The following TFDP2 variants were observed in gnomAD, a reference collection of about 807,000 sequenced individuals.
The protein encoded by TFDP2 is transcription factor Dp-2, also known as transcription factor Dp-2 (E2F dimerization partner 2).
Under a neutral mutation model 59.3 loss-of-function variants are expected in TFDP2, and 17 were observed. The observed-to-expected ratio is 0.29, with a 90% confidence interval of 0.20 to 0.43. The LOEUF (loss-of-function observed/expected upper bound fraction) is 0.43. Among genes scored for constraint, TFDP2 ranks in the 20% least tolerant of loss-of-function variants. TFDP2 has a pLI of 1.00. For synonymous variants in TFDP2, 180 were observed against 194.7 expected, an observed-to-expected ratio of 0.92 and a Z score of 0.63; for missense variants, 391 against 528.8, an observed-to-expected ratio of 0.74 and a Z score of 2.56.
chr3:141,978,467 C>T lies in TFDP2; in HGVS notation c.519+53G>A. ...CCTCAAATCTATAACAAAGATAACA[C>T]AAAGAAGTAGCATCATCCATCAAAA... On this transcript the variant is annotated intron_variant, in intron 7 of 12. Transcript: ENST00000489671. 2.0e-6 allele frequency: 3 copies of T among 1,532,752 alleles called. No individual in the cohort carries two copies. The South Asian group carries it at 3.8e-5, about 19-fold the overall frequency. The allele number at this position is 1,532,752 out of a possible 1,614,324, so 94.9% of individuals were successfully genotyped here.
intron 3 of TFDP2, among the ~76,000 whole-genome samples, chr3:142,034,564 T>G (rs1488055721): frequency 6.6e-6 from 1 of 152,224 alleles, no homozygotes; most frequent in Non-Finnish European, 1.5e-5. Flanking sequence ...TCTATCCAAC[T>G]GCTCAAATGA....
At chr3:142,106,801 C>A (rs1263845074) in intron 1 of TFDP2, among the ~76,000 whole-genome samples, 1 of 152,220 alleles carries the variant, frequency 6.6e-6, no homozygotes, top group Non-Finnish European at 1.5e-5. Flanking sequence ...GCAACTCCCA[C>A]AGATGGTCTC....
chr3:142,087,152 A>G (rs1247775974), intron 3 of TFDP2, among the ~76,000 whole-genome samples: 1 of 152,242 alleles, frequency 6.6e-6, no homozygotes, highest in African/African-American at 2.4e-5. Flanking sequence ...AAGGGTTGTA[A>G]GAGTTCTGTG....
rs575713662 is a variant in TFDP2, at chr3:141,968,433, G to GAT, written c.732+1638_732+1639dup. Among the ~76,000 whole-genome samples the GAT allele has an allele frequency of 1.1e-3, 71 of 63,396 alleles. 7 individuals carry two copies. In the South Asian group the frequency reaches 0.013, roughly 12 times the overall value. The allele number at this position is 63,396 out of a possible 152,430, so 41.6% of individuals were successfully genotyped here. On this transcript the variant is annotated intron_variant, in intron 9 of 12. Coordinates refer to ENST00000489671, the MANE Select transcript of TFDP2 (RefSeq NM_001178139.2). ...ATATAACATATATATCTCATATATA[G>GAT]ATATATATAACATATATATCTCATA...
intron 3 of TFDP2, among the ~76,000 whole-genome samples, chr3:142,074,809 G>T (rs765198323): frequency 6.6e-6 from 1 of 152,170 alleles, no homozygotes; most frequent in South Asian, 2.1e-4. Context: ...CCGAGATTGT[G>T]CTACTGCATT....
chr3:142,038,678 C>T (rs1489332555), intron 3 of TFDP2, among the ~76,000 whole-genome samples: 1 of 151,772 alleles, frequency 6.6e-6, no homozygotes, highest in African/African-American at 2.4e-5. Context: ...TTCAATCATC[C>T]AAAAATTACA....
chr3:142,104,406 T>C (rs2061410127), intron 1 of TFDP2, among the ~76,000 whole-genome samples: 1 of 152,234 alleles, frequency 6.6e-6, no homozygotes, highest in African/African-American at 2.4e-5. Context: ...CTAACAGATC[T>C]ATACAGAATT....
chr3:142,102,225 A>G (rs905749009), intron 1 of TFDP2, among the ~76,000 whole-genome samples: 6 of 152,210 alleles, frequency 3.9e-5, no homozygotes, highest in African/African-American at 1.4e-4. Context: ...TGATGGAGAC[A>G]TGTCAAAAGT....
At chr3:142,039,560 G>A (rs1261039826) in intron 3 of TFDP2, among the ~76,000 whole-genome samples, 2 of 152,158 alleles carry the variant, frequency 1.3e-5, no homozygotes, top group Non-Finnish European at 2.9e-5. Context: ...GTTTCTGGGA[G>A]AGCAGGAGAG....
chr3:142,028,808 T>C (rs945365355), intron 3 of TFDP2: 48 of 722,308 alleles, frequency 6.6e-5, no homozygotes, highest in Non-Finnish European at 7.6e-5. Context: ...TCAAAAGAAA[T>C]TGAAAAGTGC....
rs1400123550 is a variant in TFDP2 at position 142,043,870 on chromosome 3, A to G, written c.83-38326T>C. On this transcript the variant is annotated intron_variant, in intron 3 of 12. Transcript: ENST00000489671. ...CAGGCTGTGATACATATGGCGATCA[A>G]TCTTCTTAGATTCACAGTATCTTCT... is the stretch of plus-strand genomic sequence containing the variant. 7.6e-6 allele frequency: 9 copies of G among 1,190,440 alleles called. No individual in the cohort carries two copies. In the Admixed American group the frequency reaches 1.2e-4, roughly 16 times the overall value. The allele number at this position is 1,190,440 out of a possible 1,614,324, so 73.7% of individuals were successfully genotyped here.
chr3:142,075,906 C>CAAAAAAAAAAAAA lies in TFDP2; in HGVS notation c.82+17142_82+17154dup, dbSNP rs60581045. Among the ~76,000 whole-genome samples, 31 of 80,686 alleles carry CAAAAAAAAAAAAA rather than the reference C, an allele frequency of 3.8e-4. 1 individual carries two copies. Among genetic ancestry groups the CAAAAAAAAAAAAA allele is most frequent in the African/African-American group, 1.7e-3 (31 of 18,358 alleles). 52.9% of individuals were successfully genotyped at this position (80,686 alleles called of 152,430 possible). Reference sequence around the variant, plus strand: ...TGGGCAACAGAGCCAGAACCTGCCTCAAAAAAAAAAAAAAAAAAGGCTTTC... The same window carrying CAAAAAAAAAAAAA: ...TGGGCAACAGAGCCAGAACCTGCCTCAAAAAAAAAAAAAAAAAAAAAAAAAAAAAAAGGCTTTC... On this transcript the variant is annotated intron_variant, in intron 3 of 12. Coordinates refer to ENST00000489671, the MANE Select transcript of TFDP2 (RefSeq NM_001178139.2).
chr3:142,045,612 CTTTTTT>C (rs10587862), intron 3 of TFDP2, among the ~76,000 whole-genome samples: 4 of 131,996 alleles, frequency 3.0e-5, no homozygotes, highest in Admixed American at 7.6e-5. Context: ...TATTATTTGA[CTTTTTT>C]TTTTTTTTTT....
At chr3:142,006,282 A>C (rs1944202919) in intron 3 of TFDP2, among the ~76,000 whole-genome samples, 1 of 152,186 alleles carries the variant, frequency 6.6e-6, no homozygotes, top group African/African-American at 2.4e-5. Flanking sequence ...TTTCTCTCAG[A>C]AGTTAACAGT....
intron 8 of TFDP2, among the ~76,000 whole-genome samples, chr3:141,970,415 C>T (rs1939542132): frequency 6.6e-6 from 1 of 152,222 alleles, no homozygotes; most frequent in African/African-American, 2.4e-5. Flanking sequence ...TATTCAAGTT[C>T]TAATCAAAGT....
At chr3:142,084,367 C>T (rs1009946121) in intron 3 of TFDP2, among the ~76,000 whole-genome samples, 3 of 152,080 alleles carry the variant, frequency 2.0e-5, no homozygotes, top group African/African-American at 4.8e-5. Context: ...AACCCTTGTA[C>T]GCTGTTGGCA....
intron 3 of TFDP2, among the ~76,000 whole-genome samples, chr3:142,052,966 C>T (rs58229904): frequency 0.088 from 13,347 of 151,968 alleles, 1,917 homozygotes; most frequent in African/African-American, 0.3. Context: ...CCTGCCACTA[C>T]GCCCGGCTAT....
At chr3:142,082,149 AC>A (rs1271529793) in intron 3 of TFDP2, among the ~76,000 whole-genome samples, 1 of 152,054 alleles carries the variant, frequency 6.6e-6, no homozygotes, top group African/African-American at 2.4e-5. Context: ...AGGAGTGCAA[AC>A]CCTGTTGTGA....
At chr3:141,981,264 T>C (rs1941458141) in intron 6 of TFDP2, among the ~76,000 whole-genome samples, 1 of 152,238 alleles carries the variant, frequency 6.6e-6, no homozygotes, top group Non-Finnish European at 1.5e-5. Flanking sequence ...TGCAGGTTTA[T>C]AGCCTCGGGG....
Sources: allele counts gnomAD v4.1 joint callset (sites outside exome capture counted in the v4.1 genomes callset), GRCh38; gene constraint gnomAD v4.1.1; transcripts MANE v1.5; gene names NCBI Gene and HGNC (gene_info 2026-07-23, HGNC 2026-07-21).